Variants in AFF2 observed in about 807,000 individuals in gnomAD.
AFF2 encodes the protein ALF transcription elongation factor 2.
A neutral mutation model predicts 76.9 loss-of-function variants in AFF2; 14 were observed. The ratio of observed to expected loss-of-function variants is 0.18; its 90% confidence interval spans 0.12 to 0.28. The LOEUF (loss-of-function observed/expected upper bound fraction) is 0.28. AFF2 is among the 10% of genes least tolerant of loss of function. The pLI is 1.00. For missense variants in AFF2, 868 were observed against 1,001.1 expected, an observed-to-expected ratio of 0.87 and a Z score of 1.79; for synonymous variants, 398 against 366.7, an observed-to-expected ratio of 1.09 and a Z score of -0.98.
chrX:148,596,747 A>G (rs1557247370), intron 1 of AFF2, among the ~76,000 whole-genome samples: 1 of 112,567 alleles, frequency 8.9e-6, no homozygotes, highest in Non-Finnish European at 1.9e-5. Flanking sequence ...AGTCATTTGC[A>G]TAATTGATGT....
At chrX:148,976,836 C>A (rs1489836626) in intron 16 of AFF2, among the ~76,000 whole-genome samples, 1 of 112,609 alleles carries the variant, frequency 8.9e-6, no homozygotes, top group African/African-American at 3.2e-5. Context: ...ATAAAAATTC[C>A]TTTGCTTAAT....
chrX:148,898,797 T>G (rs1248275961), intron 8 of AFF2, among the ~76,000 whole-genome samples: 5 of 111,945 alleles, frequency 4.5e-5, no homozygotes, highest in Non-Finnish European at 9.4e-5. Context: ...CATCAATGTT[T>G]AAGTGACTAT....
chrX:148,655,440 T>G (rs2054242621), intron 2 of AFF2, among the ~76,000 whole-genome samples: 1 of 110,685 alleles, frequency 9.0e-6, no homozygotes, highest in South Asian at 3.9e-4. Flanking sequence ...CATGTCCGAC[T>G]AATTTTTGTA....
At chrX:148,581,475 T>C (rs139379875) in intron 1 of AFF2, among the ~76,000 whole-genome samples, 1 of 27,572 alleles carries the variant, frequency 3.6e-5, no homozygotes, top group Non-Finnish European at 8.2e-5. Context: ...CACACATATA[T>C]ACGTATACGT....
At chrX:148,922,903 A>G (rs1557283368) in intron 9 of AFF2, among the ~76,000 whole-genome samples, 1 of 112,199 alleles carries the variant, frequency 8.9e-6, no homozygotes, top group Non-Finnish European at 1.9e-5. Flanking sequence ...AAGAGGAGAT[A>G]ACATTCATTA....
chrX:148,727,974 T>C (rs2055179935), intron 3 of AFF2, among the ~76,000 whole-genome samples: 1 of 112,352 alleles, frequency 8.9e-6, no homozygotes. Flanking sequence ...ATGTCTTTGG[T>C]GTTAATACAT....
chrX:148,547,839 G>A (rs1457833837), intron 1 of AFF2, among the ~76,000 whole-genome samples: 3 of 111,541 alleles, frequency 2.7e-5, no homozygotes, highest in African/African-American at 9.8e-5. Context: ...CAAAGAAAAA[G>A]TCCTTCCTAG....
chrX:148,999,909 G>T lies in AFF2; in HGVS notation c.*8577G>T. 9.0e-6 allele frequency: 1 copy of T among 111,490 alleles called. No homozygotes were observed. The highest frequency in any genetic ancestry group is 1.9e-5 in the Non-Finnish European group (1 of 53,147). 9.2% of individuals were successfully genotyped at this position (111,490 alleles called of 1,213,427 possible). ...GTCAAGATGCATGAGAGGGAAGATG[G>T]AGGCCACCTCAACTGGAGAACATGA... On this transcript the variant is annotated 3_prime_UTR_variant, in exon 21 of 21. Transcript: ENST00000370460.
At chrX:148,594,932 T>C (rs1456391590) in intron 1 of AFF2, among the ~76,000 whole-genome samples, 5 of 111,786 alleles carry the variant, frequency 4.5e-5, no homozygotes, top group African/African-American at 1.6e-4. Context: ...AACAAATGCA[T>C]ACACCACCAG....
chrX:148,888,987 A>T (rs1279706183), intron 8 of AFF2, among the ~76,000 whole-genome samples: 1 of 111,718 alleles, frequency 9.0e-6, no homozygotes, highest in African/African-American at 3.3e-5. Flanking sequence ...ATAGTCCAAT[A>T]AAAAAGCCAT....
chrX:148,820,057 T>C lies in AFF2; in HGVS notation c.1086+10137T>C, dbSNP rs1009807275. On this transcript the variant is annotated intron_variant, in intron 4 of 20. Transcript: ENST00000370460. ...TTGTAAGTCTGAAAATAGCATAATG[T>C]GAATCTTCCAACTTTGTTCTTTTCC... Among the ~76,000 whole-genome samples, 24 of 111,857 alleles carry C rather than the reference T, an allele frequency of 2.1e-4. 2 individuals carry two copies. Among genetic ancestry groups the C allele is most frequent in the Admixed American group, 2.1e-3 (22 of 10,451 alleles).
intron 1 of AFF2, among the ~76,000 whole-genome samples, chrX:148,629,704 G>T (rs1444671549): frequency 8.9e-6 from 1 of 111,799 alleles, no homozygotes; most frequent in Non-Finnish European, 1.9e-5. Flanking sequence ...ACACTGACAT[G>T]CTTCCTCGGT....
At chrX:148,591,301 T>C (rs1192158622) in intron 1 of AFF2, among the ~76,000 whole-genome samples, 3 of 111,735 alleles carry the variant, frequency 2.7e-5, no homozygotes, top group Non-Finnish European at 5.6e-5. Context: ...TGGAAGCTTG[T>C]CTACAAGTCA....
chrX:148,653,679 G>A (rs1557256689), intron 2 of AFF2, among the ~76,000 whole-genome samples: 1 of 111,474 alleles, frequency 9.0e-6, no homozygotes, highest in Non-Finnish European at 1.9e-5. Flanking sequence ...TGTAATTGAT[G>A]AGGGGAGCTT....
At chrX:148,737,734 G>A (rs1444032263) in intron 3 of AFF2, among the ~76,000 whole-genome samples, 6 of 111,554 alleles carry the variant, frequency 5.4e-5, no homozygotes, top group African/African-American at 2.0e-4. Context: ...TCCCCATTCA[G>A]TATTATGTTG....
chrX:148,631,740 T>C (rs2053983000), intron 1 of AFF2, among the ~76,000 whole-genome samples: 1 of 112,386 alleles, frequency 8.9e-6, no homozygotes, highest in Non-Finnish European at 1.9e-5. Flanking sequence ...AACTGGCTCA[T>C]AACAGCCTTC....
rs79641984 is a variant in AFF2 at position 148,937,234 on chromosome X, GAAATAAAGA to G, written c.1398-16341_1398-16333del. ...CCCAGAAGAAAGAAGAAAAGAAAGG[GAAATAAAGA>G]AAATCTTCTAGCCCTAAACACAACT... On this transcript the variant is annotated intron_variant, in intron 9 of 20. Transcript: ENST00000370460. 7.2e-3 allele frequency among the ~76,000 whole-genome samples: 807 copies of G among 112,011 alleles called. 4 individuals carry two copies. Among genetic ancestry groups the G allele is most frequent in the Non-Finnish European group, 0.011 (606 of 53,167 alleles).
intron 9 of AFF2, among the ~76,000 whole-genome samples, chrX:148,930,991 G>A (rs1471383122): frequency 3.6e-5 from 4 of 111,656 alleles, no homozygotes; most frequent in East Asian, 2.8e-4. Context: ...GGTGGCTCAC[G>A]CCTGTAATCC....
At chrX:148,558,405 A>C (rs1213415666) in intron 1 of AFF2, among the ~76,000 whole-genome samples, 1 of 111,066 alleles carries the variant, frequency 9.0e-6, no homozygotes, top group South Asian at 3.9e-4. Flanking sequence ...CCTTCTTAAC[A>C]TGCTGCACCT....
Sources: gnomAD v4.1 joint callset for allele counts (sites outside exome capture counted in the v4.1 genomes callset) on GRCh38, gnomAD v4.1.1 for gene constraint, MANE v1.5 for transcripts, NCBI Gene and HGNC (gene_info 2026-07-23, HGNC 2026-07-21) for gene names.